TMEM132B: variants seen among roughly 807,000 people sequenced by gnomAD.
The protein encoded by TMEM132B is transmembrane protein 132B.
A neutral mutation model predicts 90.8 loss-of-function variants in TMEM132B; 18 were observed. The observed-to-expected ratio is 0.20, with a 90% confidence interval of 0.14 to 0.29. The LOEUF is 0.29. Among genes scored for constraint, TMEM132B ranks in the 10% least tolerant of loss-of-function variants. The pLI is 1.00. For missense variants in TMEM132B, 1,096 were observed against 1,326.8 expected (o/e 0.83, Z 2.70); for synonymous variants, 504 against 523.3 (o/e 0.96, Z 0.50).
chr12:125,590,789 G>T (rs934681322), intron 5 of TMEM132B, among the ~76,000 whole-genome samples: 1 of 152,164 alleles, frequency 6.6e-6, no homozygotes. Flanking sequence ...TAGAAGTGTT[G>T]ACCCATTGCA....
At chr12:125,555,395 A>G (rs1884348842) in intron 4 of TMEM132B, among the ~76,000 whole-genome samples, 2 of 151,882 alleles carry the variant, frequency 1.3e-5, no homozygotes. Flanking sequence ...GATATCAGCA[A>G]TAGTAAGATT....
At chr12:125,220,842 G>A (rs1565977799) in intron 1 of TMEM132B, among the ~76,000 whole-genome samples, 1 of 152,210 alleles carries the variant, frequency 6.6e-6, no homozygotes, top group South Asian at 2.1e-4. Context: ...CTCGCTCAGA[G>A]TAAAAACCCA....
chr12:125,650,991 T>G, intron 7 of TMEM132B, 38 bp downstream of exon 7: 1 of 1,606,588 alleles, frequency 6.2e-7, no homozygotes, highest in South Asian at 1.1e-5. Flanking sequence ...GCAGTCTGTG[T>G]TGATGAGTGG....
chr12:125,348,778 C>T (rs1256786497), intron 1 of TMEM132B, among the ~76,000 whole-genome samples: 1 of 152,168 alleles, frequency 6.6e-6, no homozygotes, highest in Non-Finnish European at 1.5e-5. Flanking sequence ...AGTGGCAAAG[C>T]CAGGATTCAA....
At chr12:125,352,029 T>A (rs1877602667) in intron 2 of TMEM132B, among the ~76,000 whole-genome samples, 1 of 152,212 alleles carries the variant, frequency 6.6e-6, no homozygotes, top group South Asian at 2.1e-4. Flanking sequence ...CTGCCATCTA[T>A]ATTTTCTGAA....
rs558039751 is a variant in TMEM132B, at chr12:125,282,666, C to A, written c.68-66786C>A. ...ATTGGCAGAGCTTGGATGTGGCAATCAGAGATCCTAGCTAGGGCTCCCGGT... is the reference window on the plus strand; with the variant it reads ...ATTGGCAGAGCTTGGATGTGGCAATAAGAGATCCTAGCTAGGGCTCCCGGT... On this transcript the variant is annotated intron_variant, in intron 1 of 8. Transcript: ENST00000682704. Among the ~76,000 whole-genome samples, 3 of 152,286 alleles carry A rather than the reference C, an allele frequency of 2.0e-5. No homozygotes were observed. The East Asian group carries it at 5.8e-4, about 29-fold the overall frequency.
intron 4 of TMEM132B, among the ~76,000 whole-genome samples, chr12:125,533,963 G>A (rs943097383): frequency 1.3e-5 from 2 of 152,226 alleles, no homozygotes; most frequent in Non-Finnish European, 2.9e-5. Flanking sequence ...AGAGCCAGCA[G>A]TAATACTGGA....
rs1013753200 is a variant in TMEM132B at position 125,213,268 on chromosome 12, T to C, written c.67+26402T>C. Among the ~76,000 whole-genome samples the C allele has an allele frequency of 3.9e-5, 6 of 152,258 alleles. No individual in the cohort carries two copies. Among genetic ancestry groups the C allele is most frequent in the African/African-American group, 1.4e-4 (6 of 41,460 alleles). ...GTCAGTGCTATGCTCCTTTTTATGG[T>C]TGAATCATCTTCCATTGTCTATCGG... On this transcript the variant is annotated intron_variant, in intron 1 of 8. Coordinates refer to ENST00000682704, the MANE Select transcript of TMEM132B (RefSeq NM_001366854.1). The surrounding 1 kb of genome is among the most constrained non-coding windows in gnomAD (Gnocchi z 4.2).
chr12:125,595,406 C>T (rs74773209), intron 5 of TMEM132B, among the ~76,000 whole-genome samples: 2,816 of 152,172 alleles, frequency 0.019, 98 homozygotes, highest in African/African-American at 0.065. Context: ...CATCACTTTC[C>T]GGGGGATTTG....
At chr12:125,420,940 G>C (rs1270403682) in intron 3 of TMEM132B, among the ~76,000 whole-genome samples, 1 of 152,168 alleles carries the variant, frequency 6.6e-6, no homozygotes, top group African/African-American at 2.4e-5. Flanking sequence ...CTCTAGGGCA[G>C]GGGCAAAATG....
intron 4 of TMEM132B, among the ~76,000 whole-genome samples, chr12:125,537,448 C>T (rs1360733496): frequency 6.6e-6 from 1 of 152,200 alleles, no homozygotes; most frequent in East Asian, 1.9e-4. Context: ...GTTCCTGGGG[C>T]CTTCCTGGGA....
chr12:125,244,296 G>A (rs570059041), intron 1 of TMEM132B, among the ~76,000 whole-genome samples: 4 of 152,172 alleles, frequency 2.6e-5, no homozygotes, highest in African/African-American at 4.8e-5. Context: ...TGGGTGACAG[G>A]GCAGCTCCAT....
At chr12:125,296,083 T>C (rs1418544573) in intron 1 of TMEM132B, among the ~76,000 whole-genome samples, 1 of 152,232 alleles carries the variant, frequency 6.6e-6, no homozygotes, top group African/African-American at 2.4e-5. Context: ...AGAGGGAGCC[T>C]TCTGATACCC....
intron 3 of TMEM132B, among the ~76,000 whole-genome samples, chr12:125,432,401 A>G (rs1229951934): frequency 1.7e-5 from 1 of 59,276 alleles, no homozygotes; most frequent in Non-Finnish European, 3.8e-5. Flanking sequence ...ATATATATGT[A>G]TGTATGTGTA....
chr12:125,380,061 C>T (rs1052736187), intron 2 of TMEM132B, among the ~76,000 whole-genome samples: 1 of 152,188 alleles, frequency 6.6e-6, no homozygotes, highest in Non-Finnish European at 1.5e-5. Context: ...CTAGGGCTTT[C>T]ATAACAAATT....
At chr12:125,239,192 G>A (rs562713372) in intron 1 of TMEM132B, among the ~76,000 whole-genome samples, 40 of 152,246 alleles carry the variant, frequency 2.6e-4, no homozygotes, top group Non-Finnish European at 5.0e-4. Context: ...CCCAGGCTTG[G>A]AAACTGTTAG....
At chr12:125,558,628 G>C (rs1423855528) in intron 4 of TMEM132B, among the ~76,000 whole-genome samples, 1 of 152,186 alleles carries the variant, frequency 6.6e-6, no homozygotes, top group Non-Finnish European at 1.5e-5. Context: ...AAAATTGACT[G>C]AAGTACTTAT....
intron 1 of TMEM132B, among the ~76,000 whole-genome samples, chr12:125,332,583 CTTTTTTTTT>C (rs201828438): frequency 0.023 from 1,214 of 52,206 alleles, 30 homozygotes; most frequent in Admixed American, 0.056. Flanking sequence ...AGAGAGTTGG[CTTTTTTTTT>C]TTTTTTTTTT....
chr12:125,591,731 TG>T (rs1220613413), intron 5 of TMEM132B, among the ~76,000 whole-genome samples: 2 of 152,160 alleles, frequency 1.3e-5, no homozygotes, highest in Non-Finnish European at 2.9e-5. Flanking sequence ...CTGGTGGCCC[TG>T]GGTGTTCCTT....
Sources: gnomAD v4.1 joint callset for allele counts (sites outside exome capture counted in the v4.1 genomes callset) on GRCh38, gnomAD v4.1.1 for gene constraint, Gnocchi (gnomAD v3.1) non-coding constraint, MANE v1.5 for transcripts, NCBI Gene and HGNC (gene_info 2026-07-23, HGNC 2026-07-21) for gene names.